The following INTS4 variants were observed in gnomAD, a reference collection of about 807,000 sequenced individuals.
The protein encoded by INTS4 is MSTP093.
INTS4 carries 70 observed loss-of-function variants against 119.5 expected under a neutral mutation model. That is an observed-to-expected ratio of 0.59 (90% CI 0.48 to 0.71). The LOEUF (loss-of-function observed/expected upper bound fraction) is 0.71. INTS4 is among the 30% of genes least tolerant of loss of function. The pLI is 0.00. For missense variants in INTS4, 867 were observed against 1,173.2 expected (o/e 0.74, Z 3.81); for synonymous variants, 316 against 419.6 (o/e 0.75, Z 3.02).
intron 8 of INTS4, among the ~76,000 whole-genome samples, chr11:77,948,443 T>G (rs1954100442): frequency 6.6e-6 from 1 of 152,002 alleles, no homozygotes; most frequent in Non-Finnish European, 1.5e-5. Flanking sequence ...GGCCAGGAGT[T>G]TGAGACCAGC....
intron 2 of INTS4, 76 bp from the exon 3 acceptor site, chr11:77,981,652 C>T (rs897546983): frequency 3.0e-6 from 2 of 668,434 alleles, no homozygotes; most frequent in Non-Finnish European, 5.0e-6. Flanking sequence ...GGAAAACTAA[C>T]ATCCCAAAAG....
intron 2 of INTS4, chr11:77,987,700 T>C (rs1856511021): frequency 2.3e-6 from 1 of 441,596 alleles, no homozygotes; most frequent in Admixed American, 2.4e-5. Flanking sequence ...ACTCCATCTC[T>C]ACAAAAAAAA....
intron 2 of INTS4, chr11:77,987,796 C>T: frequency 2.8e-6 from 1 of 356,116 alleles, no homozygotes; most frequent in Non-Finnish European, 5.6e-6. Context: ...ATGGCTTGAG[C>T]CTGGGAGTCC....
At chr11:77,937,636 C>T (rs11237326) in intron 10 of INTS4, among the ~76,000 whole-genome samples, 28,142 of 151,794 alleles carry the variant, frequency 0.19, 2,691 homozygotes, top group Middle Eastern at 0.23. Flanking sequence ...CCCAGCTACT[C>T]GAGAGGCTGA....
rs757466320 is a variant in INTS4, at chr11:77,878,963, G to A, written c.2878C>T (p.Pro960Ser). The A allele has an allele frequency of 3.1e-6, 5 of 1,613,958 alleles. No homozygotes were observed. Among genetic ancestry groups the A allele is most frequent in the Non-Finnish European group, 4.2e-6 (5 of 1,179,954 alleles). Residue 960 changes from proline to serine, a missense_variant, in exon 23 of 23, where the codon CCT becomes TCT. Physicochemically the swap from Pro to Ser is moderately conservative, Grantham distance 74. This residue lies in a region of INTS4 where 122 missense variants were observed against 133.2 expected (regional missense o/e 0.92). Coordinates refer to ENST00000534064, the MANE Select transcript of INTS4 (RefSeq NM_033547.4). ...CTGTTTTTGCCTTAGCGCCGTGCAG[G>A]TTTGGGCATTATATAAACTTTTACA... ...KPVKVYIMPK[P>S]ARR
At chr11:77,891,514 G>C in intron 20 of INTS4, 52 bp from the exon 21 acceptor site, 1 of 1,603,122 alleles carries the variant, frequency 6.2e-7, no homozygotes. Context: ...ATTCCTGGAT[G>C]AGAAAACGCA....
At chr11:77,900,465 G>C (rs1952742130) in intron 18 of INTS4, 1 of 557,102 alleles carries the variant, frequency 1.8e-6, no homozygotes, top group Non-Finnish European at 3.2e-6. Context: ...GATACGTGAA[G>C]AAATAAAATA....
intron 3 of INTS4, among the ~76,000 whole-genome samples, chr11:77,981,106 A>T (rs890758895): frequency 4.0e-5 from 6 of 151,686 alleles, no homozygotes; most frequent in Non-Finnish European, 7.4e-5. Context: ...AAGGGTCATT[A>T]ACATGTTTGG....
At position 77,921,478 on chromosome 11, in the gene INTS4, T is replaced by C. The variant is rs376415701; in HGVS notation, c.1631-5A>G. 12 of 1,598,998 alleles carry C rather than the reference T, an allele frequency of 7.5e-6. No individual in the cohort carries two copies. The African/African-American group carries it at 8.0e-5, about 11-fold the overall frequency. ...TAAGTACCAAAACTGCAATATCTGATAGATGACTGGGTTAAGTAAACTTGG... is the reference window on the plus strand; with the variant it reads ...TAAGTACCAAAACTGCAATATCTGACAGATGACTGGGTTAAGTAAACTTGG... On this transcript the variant is annotated splice_region_variant and splice_polypyrimidine_tract_variant and intron_variant, in intron 13 of 22. Coordinates refer to ENST00000534064, the MANE Select transcript of INTS4 (RefSeq NM_033547.4).
At chr11:77,985,666 T>C (rs2136657163) in intron 2 of INTS4, among the ~76,000 whole-genome samples, 1 of 152,318 alleles carries the variant, frequency 6.6e-6, no homozygotes, top group African/African-American at 2.4e-5. Context: ...TACATCTCTA[T>C]TACCAACATG....
chr11:77,971,243 T>C (rs1855718562), intron 4 of INTS4, among the ~76,000 whole-genome samples: 1 of 152,236 alleles, frequency 6.6e-6, no homozygotes, highest in Non-Finnish European at 1.5e-5. Flanking sequence ...CTTTTGCCCA[T>C]GTTAGTTTAA....
intron 21 of INTS4, among the ~76,000 whole-genome samples, chr11:77,888,327 G>A (rs1290645537): frequency 3.3e-5 from 5 of 152,162 alleles, no homozygotes; most frequent in Non-Finnish European, 7.3e-5. Context: ...ATGGGGAAAG[G>A]ATTCCCTATT....
At position 77,901,439 on chromosome 11, in the gene INTS4, G is replaced by A. The variant is rs750198621; in HGVS notation, c.2210C>T (p.Thr737Ile). 1.9e-6 allele frequency: 3 copies of A among 1,613,934 alleles called. No individual in the cohort carries two copies. The highest frequency in any genetic ancestry group is 2.2e-5 in the South Asian group (2 of 91,078). ...ATCTTACCCTCGTGTAGTTCGTGCT[G>A]TTACTATAAGTTGCAAAGCTTTGGC... ...LQAKALQLIVTARTTRGLDPL... is the reference protein window; with the variant it reads ...LQAKALQLIVIARTTRGLDPL... The change falls in exon 18 of 23, where the codon ACA becomes ATA. Residue 737 changes from threonine to isoleucine, a missense_variant. Physicochemically the swap from Thr to Ile is moderately conservative, Grantham distance 89. Around this residue, in one of 5 missense-constraint regions of INTS4, gnomAD observed 262 missense variants for 376.0 expected, o/e 0.70. Coordinates refer to ENST00000534064, the MANE Select transcript of INTS4 (RefSeq NM_033547.4).
intron 8 of INTS4, among the ~76,000 whole-genome samples, chr11:77,952,305 T>C (rs1172205791): frequency 1.3e-5 from 2 of 152,166 alleles, no homozygotes; most frequent in African/African-American, 4.8e-5. Flanking sequence ...ATTATGAAGT[T>C]TGAAGTCCTC....
At chr11:77,891,876 C>T in intron 19 of INTS4, 36 bp from the exon 20 acceptor site, 1 of 1,610,154 alleles carries the variant, frequency 6.2e-7, no homozygotes, top group Non-Finnish European at 8.5e-7. Context: ...ACTCATTCAA[C>T]TGTGCACTCA....
At chr11:77,917,825 A>T (rs1953239882) in intron 15 of INTS4, among the ~76,000 whole-genome samples, 1 of 151,792 alleles carries the variant, frequency 6.6e-6, no homozygotes, top group Non-Finnish European at 1.5e-5. Context: ...GTTGTTCCCC[A>T]ATATCTTTCT....
chr11:77,936,788 A>C (rs1255865819), intron 10 of INTS4, among the ~76,000 whole-genome samples: 2 of 152,178 alleles, frequency 1.3e-5, no homozygotes, highest in East Asian at 3.8e-4. Context: ...AGGAAGGAAG[A>C]ATAGAGCATC....
intron 10 of INTS4, among the ~76,000 whole-genome samples, chr11:77,929,417 A>G (rs1953591711): frequency 6.6e-6 from 1 of 152,176 alleles, no homozygotes; most frequent in Non-Finnish European, 1.5e-5. Flanking sequence ...ATATGTGATG[A>G]AGTCACATGT....
intron 1 of INTS4, among the ~76,000 whole-genome samples, chr11:77,993,012 T>A (rs533709744): frequency 6.6e-6 from 1 of 152,336 alleles, no homozygotes; most frequent in African/African-American, 2.4e-5. Flanking sequence ...CCTCTCAAAC[T>A]CAGTTTTCAG....
Sources: allele counts gnomAD v4.1 joint callset (sites outside exome capture counted in the v4.1 genomes callset), GRCh38; gene constraint gnomAD v4.1.1; regional missense constraint gnomAD v4.1.1; transcripts MANE v1.5; gene names NCBI Gene and HGNC (gene_info 2026-07-23, HGNC 2026-07-21).